Variants in GTF3C1 observed in about 807,000 individuals in gnomAD.
GTF3C1 encodes general transcription factor 3C polypeptide 1.
Under a neutral mutation model 226.7 loss-of-function variants are expected in GTF3C1, and 57 were observed. The observed-to-expected ratio is 0.25, with a 90% CI of 0.20 to 0.31. The LOEUF is 0.31. Ranked by LOEUF, GTF3C1 falls within the 10% of genes least tolerant of loss-of-function variation. The pLI is 1.00. For missense variants in GTF3C1, 2,217 were observed against 2,776.1 expected (o/e 0.80, Z 4.53); for synonymous variants, 1,090 against 1,084.8 (o/e 1.00, Z -0.09).
chr16:27,549,663 CGCTGA>C lies in GTF3C1; in HGVS notation c.221+2_221+6del. The C allele has an allele frequency of 2.6e-6, 4 of 1,512,330 alleles. No homozygotes were observed. Among genetic ancestry groups the C allele is most frequent in the Non-Finnish European group, 2.7e-6 (3 of 1,117,248 alleles). The allele number at this position is 1,512,330 out of a possible 1,614,324, so 93.7% of individuals were successfully genotyped here. ...CGCCCGCCCGCCAGGCCAGGCCGCC[CGCTGA>C]CCGGTCCTGGAGCTGTAGGTCGGGT... On this transcript the variant is annotated splice_donor_variant and splice_donor_5th_base_variant and intron_variant, in intron 1 of 36. Transcript: ENST00000356183. LOFTEE classifies it high-confidence loss of function.
chr16:27,492,744 T>G lies in GTF3C1; in HGVS notation c.2877-31A>C. The G allele has an allele frequency of 1.7e-6, 2 of 1,203,936 alleles. No homozygotes were observed. The highest frequency in any genetic ancestry group is 2.5e-6 in the Non-Finnish European group (2 of 805,216). 74.6% of individuals were successfully genotyped at this position (1,203,936 alleles called of 1,614,324 possible). On this transcript the variant is annotated intron_variant, in intron 17 of 36. Coordinates refer to ENST00000356183, the MANE Select transcript of GTF3C1 (RefSeq NM_001520.4). The surrounding 1 kb of genome is among the most constrained non-coding windows in gnomAD (Gnocchi z 5.0). ...AAACAGAGGGGGCGGGAGGTTCTCA[T>G]CACACCACACTCGCAGCCGGCCGCA...
chr16:27,487,395 T>C (rs2088158449), intron 23 of GTF3C1, among the ~76,000 whole-genome samples: 1 of 152,210 alleles, frequency 6.6e-6, no homozygotes, highest in African/African-American at 2.4e-5. Flanking sequence ...GTCTAAAAAC[T>C]AGACACTGGT....
rs2087729282 is a variant in GTF3C1 at position 27,463,055 on chromosome 16, C to G, written c.5924+486G>C. The G allele has an allele frequency of 1.1e-5, 2 of 173,956 alleles. No homozygotes were observed. The highest frequency in any genetic ancestry group is 2.4e-5 in the Non-Finnish European group (2 of 82,576). The allele number at this position is 173,956 out of a possible 1,614,324, so 10.8% of individuals were successfully genotyped here. On this transcript the variant is annotated intron_variant, in intron 35 of 36. Coordinates refer to ENST00000356183, the MANE Select transcript of GTF3C1 (RefSeq NM_001520.4). This position sits in a 1 kb window ranked among gnomAD's most constrained non-coding sequence, Gnocchi z 4.9. ...AGCTCTTGAAAGCCAGGACACAGGG[C>G]ACTTGGGCCCTGCCAATCTGGGGTC...
At chr16:27,493,420 T>G in intron 16 of GTF3C1, 124 bp from the exon 17 acceptor site, 1 of 641,448 alleles carries the variant, frequency 1.6e-6, no homozygotes, top group Non-Finnish European at 2.9e-6. Flanking sequence ...TGGGCTCTCC[T>G]TCCTGCCCCA....
In GTF3C1 at chr16:27,508,550, T is replaced by G. The variant is rs369526551; in HGVS notation, c.1232A>C (p.Lys411Thr). Residue 411 changes from lysine (K) to threonine (T), a missense_variant, in exon 8 of 37, where the codon AAA (lysine) becomes ACA (threonine). By Grantham distance (78) the Lys-to-Thr change is moderately conservative (BLOSUM62 -1). Transcript: ENST00000356183. Reference sequence around the variant, plus strand: ...GGCTCATGATGTTACCTTGACAACTTTGAATCTTTGAAGAAGTCGGCACAG... The same window carrying G: ...GGCTCATGATGTTACCTTGACAACTGTGAATCTTTGAAGAAGTCGGCACAG... ...RMLCRLLQRFKVVKGFMEDEG... is the reference protein window; with the variant it reads ...RMLCRLLQRFTVVKGFMEDEG... 10 of 1,612,520 alleles carry G rather than the reference T, an allele frequency of 6.2e-6. No homozygotes were observed. The highest frequency in any genetic ancestry group is 7.6e-6 in the Non-Finnish European group (9 of 1,178,512).
At chr16:27,530,772 G>A (rs1028777700) in intron 5 of GTF3C1, among the ~76,000 whole-genome samples, 2 of 152,088 alleles carry the variant, frequency 1.3e-5, no homozygotes, top group Non-Finnish European at 2.9e-5. Flanking sequence ...AGGGGGCCAG[G>A]CACTGTCTTC....
intron 13 of GTF3C1, among the ~76,000 whole-genome samples, chr16:27,498,242 A>G (rs2088349409): frequency 6.6e-6 from 1 of 152,212 alleles, no homozygotes; most frequent in African/African-American, 2.4e-5. Context: ...TAGTTGAGAC[A>G]CAGCTGAGAA....
At chr16:27,520,721 C>G (rs1294552423) in intron 6 of GTF3C1, among the ~76,000 whole-genome samples, 1 of 152,036 alleles carries the variant, frequency 6.6e-6, no homozygotes, top group African/African-American at 2.4e-5. Context: ...GTCCCCAATG[C>G]TTTTTTTGTT....
At position 27,495,407 on chromosome 16, in the gene GTF3C1, G is replaced by A. The variant is rs139635319; in HGVS notation, c.2436C>T (p.Tyr812=). 6.9e-5 allele frequency: 111 copies of A among 1,613,946 alleles called. No homozygotes were observed. The African/African-American group carries it at 1.1e-3, about 15-fold the overall frequency. The change falls in exon 15 of 37, where the codon TAC becomes TAT. Residue 812 remains tyrosine (Y), a synonymous_variant. Coordinates refer to ENST00000356183, the MANE Select transcript of GTF3C1 (RefSeq NM_001520.4). ...VVHMFLWYLI[Y]GHPASNTVEK... is the part of the protein sequence containing the mutation. ...CCACGGTGTTGCTGGCAGGGTGCCC[G>A]TAGATGAGGTACCACAGAAACATGT...
chr16:27,542,272 A>G (rs923437042), intron 2 of GTF3C1, among the ~76,000 whole-genome samples: 1 of 152,238 alleles, frequency 6.6e-6, no homozygotes, highest in African/African-American at 2.4e-5. Flanking sequence ...AAGTTTAACT[A>G]CCAGTATGCC....
At chr16:27,528,483 T>C (rs1367252397) in intron 6 of GTF3C1, 115 bp downstream of exon 6, 3 of 815,526 alleles carry the variant, frequency 3.7e-6, no homozygotes, top group Non-Finnish European at 2.0e-6. Flanking sequence ...TAAATAAATA[T>C]GTGAAATCAT....
chr16:27,515,639 C>T (rs536478527), intron 6 of GTF3C1, among the ~76,000 whole-genome samples: 38 of 152,312 alleles, frequency 2.5e-4, no homozygotes, highest in Admixed American at 7.8e-4. Context: ...GGCTCCAGAG[C>T]CAGGCAGAGA....
intron 2 of GTF3C1, among the ~76,000 whole-genome samples, chr16:27,544,441 A>G (rs778448950): frequency 1.3e-5 from 2 of 151,570 alleles, no homozygotes; most frequent in Non-Finnish European, 2.9e-5. Context: ...GGTGGAAAAG[A>G]GCAGGGGTAG....
At chr16:27,523,039 T>G (rs1270709704) in intron 6 of GTF3C1, among the ~76,000 whole-genome samples, 3 of 152,188 alleles carry the variant, frequency 2.0e-5, no homozygotes, top group African/African-American at 7.2e-5. Context: ...AATGCTGAAC[T>G]TGTGACAACC....
intron 27 of GTF3C1, among the ~76,000 whole-genome samples, chr16:27,479,903 T>C (rs1006997088): frequency 6.6e-6 from 1 of 152,152 alleles, no homozygotes; most frequent in Non-Finnish European, 1.5e-5. Flanking sequence ...TGTCTTCTTT[T>C]ATGATTAAAA....
chr16:27,492,697 C>A lies in GTF3C1; in HGVS notation c.2893G>T (p.Val965Leu). The change falls in exon 18 of 37, where the codon GTG becomes TTG. Residue 965 changes from valine (V) to leucine (L), a missense_variant. By Grantham distance (32) the Val-to-Leu change is conservative. Around this residue, in one of 12 missense-constraint regions of GTF3C1, gnomAD observed 353 missense variants for 411.7 expected, o/e 0.86. Coordinates refer to ENST00000356183, the MANE Select transcript of GTF3C1 (RefSeq NM_001520.4). The surrounding 1 kb of genome is among the most constrained non-coding windows in gnomAD (Gnocchi z 5.0). ...CACAGCCTCTGAAGGTTCTCCACCA[C>A]CGAAAAAATGTAACGCCTAGAAAAC... ...LLYKRRYIFS[V>L]VENLQRLCYM... The A allele has an allele frequency of 6.3e-7, 1 of 1,594,350 alleles. No individual in the cohort carries two copies. Among genetic ancestry groups the A allele is most frequent in the Non-Finnish European group, 8.6e-7 (1 of 1,161,906 alleles).
chr16:27,492,782 T>A lies in GTF3C1; in HGVS notation c.2877-69A>T. ...GCAGCCGGCCGCAGGGGTCTGCATG[T>A]GGGGTGAGGGGTGCGACTTCCTTCT... is the stretch of plus-strand genomic sequence containing the variant. On this transcript the variant is annotated intron_variant, in intron 17 of 36. Coordinates refer to ENST00000356183, the MANE Select transcript of GTF3C1 (RefSeq NM_001520.4). The surrounding 1 kb of genome is among the most constrained non-coding windows in gnomAD (Gnocchi z 5.0). 1 of 886,544 alleles carries A rather than the reference T, an allele frequency of 1.1e-6. No individual in the cohort carries two copies. Among genetic ancestry groups the A allele is most frequent in the Non-Finnish European group, 1.9e-6 (1 of 518,780 alleles). 54.9% of individuals were successfully genotyped at this position (886,544 alleles called of 1,614,324 possible). A position where few individuals can be genotyped will look rare whatever the true frequency, so the allele number is the denominator to read the frequency against.
chr16:27,522,454 C>T (rs1282240621), intron 6 of GTF3C1, among the ~76,000 whole-genome samples: 1 of 152,360 alleles, frequency 6.6e-6, no homozygotes, highest in African/African-American at 2.4e-5. Flanking sequence ...CAGTTCTATT[C>T]GGTTATCTGT....
chr16:27,545,474 G>T lies in GTF3C1; in HGVS notation c.271C>A (p.Pro91Thr). 6.2e-7 allele frequency: 1 copy of T among 1,612,330 alleles called. No homozygotes were observed. The highest frequency in any genetic ancestry group is 8.5e-7 in the Non-Finnish European group (1 of 1,178,488). ...ETGILESRRD[P>T]VALEDVYPIH... is the part of the protein sequence containing the mutation. ...GGGTAGACATCCTCCAAAGCCACCG[G>T]GTCCCTCCTAGACTCCAAAATTCCA... is the stretch of plus-strand genomic sequence containing the variant. Residue 91 changes from proline (P) to threonine (T), a missense_variant, in exon 2 of 37, where the codon CCG becomes ACG. This residue lies in a region of GTF3C1 where 192 missense variants were observed against 251.8 expected (regional missense o/e 0.76). Coordinates refer to ENST00000356183, the MANE Select transcript of GTF3C1 (RefSeq NM_001520.4).
Sources: gnomAD v4.1 joint callset for allele counts (sites outside exome capture counted in the v4.1 genomes callset) on GRCh38, gnomAD v4.1.1 for gene constraint, gnomAD v4.1.1 regional missense constraint, Gnocchi (gnomAD v3.1) non-coding constraint, MANE v1.5 for transcripts, NCBI Gene and HGNC (gene_info 2026-07-23, HGNC 2026-07-21) for gene names.